SENP5: variants seen among roughly 807,000 people sequenced by gnomAD.
The protein encoded by SENP5 is SUMO specific peptidase 5.
SENP5 carries 21 observed loss-of-function variants against 74.2 expected under a neutral mutation model. That is an observed-to-expected ratio of 0.28 (90% CI 0.20 to 0.41). SENP5 has a LOEUF of 0.41. Among genes scored for constraint, SENP5 ranks in the 10% least tolerant of loss-of-function variants. The pLI, the probability that SENP5 is intolerant of heterozygous loss-of-function variation, is 1.00. For synonymous variants in SENP5, 311 were observed against 312.7 expected, an observed-to-expected ratio of 0.99 and a Z score of 0.06; for missense variants, 717 against 889.1, an observed-to-expected ratio of 0.81 and a Z score of 2.46.
chr3:196,922,892 C>T (rs1449115617), intron 6 of SENP5, among the ~76,000 whole-genome samples: 1 of 152,164 alleles, frequency 6.6e-6, no homozygotes, highest in Non-Finnish European at 1.5e-5. Flanking sequence ...GCTGGGATTA[C>T]AGGCGTGAGC....
chr3:196,929,610 G>C (rs772423770), intron 8 of SENP5, 23 bp from the exon 9 acceptor site: 1 of 1,482,598 alleles, frequency 6.7e-7, no homozygotes, highest in African/African-American at 1.4e-5. Flanking sequence ...TTGTTTTAAT[G>C]ACTATTTTGT....
chr3:196,926,898 C>T (rs1247448769), intron 7 of SENP5, among the ~76,000 whole-genome samples: 1 of 152,138 alleles, frequency 6.6e-6, no homozygotes, highest in African/African-American at 2.4e-5. Flanking sequence ...CCTGCCTCAG[C>T]CACCCAAAGT....
chr3:196,910,282 T>C (rs894951044), intron 6 of SENP5, among the ~76,000 whole-genome samples: 4 of 149,332 alleles, frequency 2.7e-5, no homozygotes, highest in African/African-American at 9.8e-5. Context: ...TATTCCATCC[T>C]CGTGGATAGG....
intron 1 of SENP5, among the ~76,000 whole-genome samples, chr3:196,873,509 C>G (rs930886153): frequency 4.6e-5 from 7 of 152,056 alleles, no homozygotes; most frequent in Non-Finnish European, 8.8e-5. Context: ...TTATGTATTT[C>G]ACTGTAGGTA....
chr3:196,885,336 G>C lies in SENP5; in HGVS notation c.155G>C (p.Arg52Thr). Reference protein sequence around the residue: ...AKLGRPVTWNRQLRHFQGRKK... With the variant: ...AKLGRPVTWNTQLRHFQGRKK... ...CTGGGAAGGCCAGTTACTTGGAATA[G>C]ACAGTTGAGACATTTCCAGGGTAGA... The change falls in exon 2 of 10, where the codon AGA becomes ACA. Residue 52 changes from arginine to threonine, a missense_variant. By Grantham distance (71) the Arg-to-Thr change is moderately conservative (BLOSUM62 -1). Transcript: ENST00000323460. 6.2e-7 allele frequency: 1 copy of C among 1,614,202 alleles called. No individual in the cohort carries two copies.
intron 6 of SENP5, among the ~76,000 whole-genome samples, chr3:196,909,075 G>T (rs1715019400): frequency 6.6e-6 from 1 of 151,994 alleles, no homozygotes; most frequent in African/African-American, 2.4e-5. Flanking sequence ...TGATAAAGGG[G>T]ATATCACCAT....
chr3:196,882,567 G>A (rs1371650051), intron 1 of SENP5, among the ~76,000 whole-genome samples: 3 of 151,946 alleles, frequency 2.0e-5, no homozygotes, highest in Non-Finnish European at 2.9e-5. Context: ...GCAGTGGTGC[G>A]ATCTCAGTTC....
rs532630491 is a variant in SENP5, at chr3:196,869,264, G to A, written c.-32+1191G>A. ...CACCCAGCCTGGAGTGCAGTGGCGC[G>A]ATCTTTTCAGCTCACTGCAACCTCC... On this transcript the variant is annotated intron_variant, in intron 1 of 9. Transcript: ENST00000323460. 1.1e-4 allele frequency among the ~76,000 whole-genome samples: 17 copies of A among 151,894 alleles called. 1 individual carries two copies. Among genetic ancestry groups the A allele is most frequent in the African/African-American group, 4.1e-4 (17 of 41,470 alleles).
At chr3:196,894,118 T>G (rs1418590074) in intron 2 of SENP5, among the ~76,000 whole-genome samples, 1 of 22,258 alleles carries the variant, frequency 4.5e-5, no homozygotes. Context: ...TTAATGTGGT[T>G]TTTTTTTTTT....
chr3:196,916,570 C>T (rs918082609), intron 6 of SENP5, among the ~76,000 whole-genome samples: 1 of 151,082 alleles, frequency 6.6e-6, no homozygotes, highest in Non-Finnish European at 1.5e-5. Flanking sequence ...TCTTGTTGCC[C>T]AGGCTGGAGT....
At chr3:196,924,716 C>A (rs1276360929) in intron 7 of SENP5, among the ~76,000 whole-genome samples, 1 of 152,180 alleles carries the variant, frequency 6.6e-6, no homozygotes, top group Admixed American at 6.5e-5. Context: ...AATTCTGTTG[C>A]ATATCAGTTC....
chr3:196,885,305 G>C lies in SENP5; in HGVS notation c.124G>C (p.Ala42Pro), dbSNP rs770290773. 6.2e-7 allele frequency: 1 copy of C among 1,614,164 alleles called. No homozygotes were observed. The highest frequency in any genetic ancestry group is 8.5e-7 in the Non-Finnish European group (1 of 1,180,026). Residue 42 changes from alanine (A) to proline (P), a missense_variant, in exon 2 of 10, where the codon GCT becomes CCT. Ala to Pro is a conservative substitution (Grantham distance 27, BLOSUM62 -1). This residue lies in a region of SENP5 where 567 missense variants were observed against 577.4 expected (regional missense o/e 0.98). Transcript: ENST00000323460. ...TCACCAACACTTGTGCATTCTGAAA[G>C]CTAAGCTGGGAAGGCCAGTTACTTG... Reference protein sequence around the residue: ...YFHQHLCILKAKLGRPVTWNR... With the variant: ...YFHQHLCILKPKLGRPVTWNR...
At chr3:196,914,211 C>G (rs1446946024) in intron 6 of SENP5, 1 of 152,028 alleles carries the variant, frequency 6.6e-6, no homozygotes, top group African/African-American at 2.4e-5. Flanking sequence ...TATCTACTGA[C>G]CTGTTACAGC....
chr3:196,870,647 A>G (rs1713173794), intron 1 of SENP5, among the ~76,000 whole-genome samples: 1 of 151,730 alleles, frequency 6.6e-6, no homozygotes, highest in Admixed American at 6.6e-5. Flanking sequence ...CCTCCCAAGT[A>G]GCTGGGATTA....
At chr3:196,879,888 C>T (rs549090102) in intron 1 of SENP5, among the ~76,000 whole-genome samples, 1 of 152,208 alleles carries the variant, frequency 6.6e-6, no homozygotes, top group African/African-American at 2.4e-5. Context: ...AAAAAAATTG[C>T]AAAATATTAC....
intron 2 of SENP5, among the ~76,000 whole-genome samples, chr3:196,889,136 A>G (rs968565951): frequency 6.6e-6 from 1 of 151,776 alleles, no homozygotes; most frequent in African/African-American, 2.4e-5. Context: ...AAAATAAATA[A>G]ATTAGTAAAT....
chr3:196,876,299 G>A (rs939774167), intron 1 of SENP5, among the ~76,000 whole-genome samples: 1 of 151,972 alleles, frequency 6.6e-6, no homozygotes, highest in African/African-American at 2.4e-5. Flanking sequence ...TCCAGCAGGC[G>A]GATCATGAGG....
intron 1 of SENP5, among the ~76,000 whole-genome samples, chr3:196,883,750 G>T (rs562488019): frequency 6.6e-6 from 1 of 151,904 alleles, no homozygotes; most frequent in African/African-American, 2.4e-5. Flanking sequence ...GTGCAGTGGC[G>T]CAATCTTGGC....
At chr3:196,919,924 T>G (rs1328738055) in intron 6 of SENP5, among the ~76,000 whole-genome samples, 1 of 151,924 alleles carries the variant, frequency 6.6e-6, no homozygotes, top group Non-Finnish European at 1.5e-5. Flanking sequence ...GGATTTTCTG[T>G]TCTCTTACAA....
Sources: gnomAD v4.1 joint callset for allele counts (sites outside exome capture counted in the v4.1 genomes callset) on GRCh38, gnomAD v4.1.1 for gene constraint, gnomAD v4.1.1 regional missense constraint, MANE v1.5 for transcripts, NCBI Gene and HGNC (gene_info 2026-07-23, HGNC 2026-07-21) for gene names.